Variants in NEDD4L observed in about 807,000 individuals in gnomAD.
NEDD4L encodes the protein NEDD4 like E3 ubiquitin protein ligase.
In NEDD4L, 54 loss-of-function variants were observed where a neutral mutation model predicts 148.9. That is an observed-to-expected ratio of 0.36 (90% CI 0.29 to 0.45). The LOEUF is 0.45. NEDD4L is among the 20% of genes least tolerant of loss of function. The pLI, the probability that NEDD4L is intolerant of heterozygous loss-of-function variation, is 1.00. For missense variants in NEDD4L, 856 were observed against 1,233.8 expected, an observed-to-expected ratio of 0.69 and a Z score of 4.59; for synonymous variants, 433 against 440.7, an observed-to-expected ratio of 0.98 and a Z score of 0.22.
chr18:58,238,887 T>A (rs1009666482), intron 2 of NEDD4L, among the ~76,000 whole-genome samples: 10 of 152,228 alleles, frequency 6.6e-5, no homozygotes, highest in African/African-American at 2.4e-4. Flanking sequence ...ATTTGTTAGA[T>A]AAAAACTTCA....
chr18:58,149,097 G>A lies in NEDD4L; in HGVS notation c.49-16691G>A, dbSNP rs4149597. 0.32 allele frequency among the ~76,000 whole-genome samples: 48,799 copies of A among 152,108 alleles called. 8,080 individuals are homozygous for A. The highest frequency in any genetic ancestry group is 0.34 in the African/African-American group (14,287 of 41,480). On this transcript the variant is annotated intron_variant, in intron 1 of 30. Transcript: ENST00000400345. ...AAAGTGGCAGAGAGGAAGCTTTTGC[G>A]TGGGGAAAACATGAAATATACAAGG... is the stretch of plus-strand genomic sequence containing the variant.
intron 2 of NEDD4L, among the ~76,000 whole-genome samples, chr18:58,228,432 C>G (rs1447015591): frequency 6.6e-6 from 1 of 152,164 alleles, no homozygotes; most frequent in Non-Finnish European, 1.5e-5. Flanking sequence ...AGTCACTCCA[C>G]TTGGTGACAT....
intron 1 of NEDD4L, among the ~76,000 whole-genome samples, chr18:58,122,026 GC>G (rs1222001280): frequency 2.6e-5 from 4 of 152,212 alleles, no homozygotes; most frequent in Non-Finnish European, 5.9e-5. Flanking sequence ...TCTGCTCAGA[GC>G]TTTGTTTTAT....
intron 2 of NEDD4L, among the ~76,000 whole-genome samples, chr18:58,184,718 G>GGAGATC (rs993099574): frequency 1.3e-5 from 2 of 152,112 alleles, no homozygotes; most frequent in African/African-American, 4.8e-5. Context: ...CACGTGGTCA[G>GGAGATC]GAGATCGAGA....
intron 2 of NEDD4L, among the ~76,000 whole-genome samples, chr18:58,170,164 A>C (rs2037389907): frequency 1.3e-5 from 2 of 152,142 alleles, no homozygotes; most frequent in African/African-American, 4.8e-5. Flanking sequence ...TATGCCATGA[A>C]GTTGCTGCCT....
At chr18:58,331,248 C>T (rs2059763707) in intron 11 of NEDD4L, among the ~76,000 whole-genome samples, 2 of 152,152 alleles carry the variant, frequency 1.3e-5, no homozygotes, top group Non-Finnish European at 2.9e-5. Flanking sequence ...CCAAAAGGCT[C>T]ATGAAAATAG....
In NEDD4L at chr18:58,248,815, TA is replaced by T. The variant is rs2047578729; in HGVS notation, c.205-82del. 1.0e-5 allele frequency: 7 copies of T among 698,550 alleles called. No homozygotes were observed. The South Asian group carries it at 1.4e-4, about 14-fold the overall frequency. 43.3% of individuals were successfully genotyped at this position (698,550 alleles called of 1,614,324 possible). On this transcript the variant is annotated intron_variant, in intron 3 of 30. Transcript: ENST00000400345. ...AGCTTTTTTTAATCAAAAAAATGTTTAAGCAAATATGTAGACTGTATTGTAC... is the reference window on the plus strand; with the variant it reads ...AGCTTTTTTTAATCAAAAAAATGTTTAGCAAATATGTAGACTGTATTGTAC...
chr18:58,329,511 C>T (rs1037841752), intron 10 of NEDD4L, among the ~76,000 whole-genome samples: 8 of 152,060 alleles, frequency 5.3e-5, no homozygotes, highest in Non-Finnish European at 1.0e-4. Context: ...CACGCATCAC[C>T]ACACCCGGCC....
chr18:58,161,381 G>A (rs1485035758), intron 1 of NEDD4L, among the ~76,000 whole-genome samples: 6 of 151,474 alleles, frequency 4.0e-5, no homozygotes, highest in Non-Finnish European at 2.9e-5. Context: ...CGTTAACGGT[G>A]AAGTTAAAAT....
chr18:58,228,773 G>A (rs993996766), intron 2 of NEDD4L, among the ~76,000 whole-genome samples: 1 of 152,184 alleles, frequency 6.6e-6, no homozygotes, highest in African/African-American at 2.4e-5. Context: ...AGTGTGAAAA[G>A]AGGCCCAGGA....
rs369177536 is a variant in NEDD4L, at chr18:58,265,620, G to A, written c.297+13566G>A. ...TGCTCTGTTGCCCAGGCTGGAGTACGGTGGCGTTAAGATGGCTCACTGCCA... is the reference window on the plus strand; with the variant it reads ...TGCTCTGTTGCCCAGGCTGGAGTACAGTGGCGTTAAGATGGCTCACTGCCA... On this transcript the variant is annotated intron_variant, in intron 5 of 30. Transcript: ENST00000400345. 3.1e-4 allele frequency among the ~76,000 whole-genome samples: 47 copies of A among 152,028 alleles called. No individual in the cohort carries two copies. The East Asian group carries it at 3.9e-3, about 13-fold the overall frequency.
chr18:58,056,398 A>G (rs4419136), intron 1 of NEDD4L, among the ~76,000 whole-genome samples: 113,665 of 151,996 alleles, frequency 0.75, 42,982 homozygotes, highest in East Asian at 0.98. Context: ...GGAACTAGTT[A>G]TGTTGTTCAG....
chr18:58,145,890 A>C (rs1401113982), intron 1 of NEDD4L, among the ~76,000 whole-genome samples: 1 of 143,630 alleles, frequency 7.0e-6, no homozygotes, highest in Non-Finnish European at 1.6e-5. Context: ...GTGATTGAAA[A>C]ATGTACATTT....
intron 15 of NEDD4L, 33 bp downstream of exon 15, chr18:58,341,830 T>C: frequency 6.3e-7 from 1 of 1,599,760 alleles, no homozygotes; most frequent in Non-Finnish European, 8.5e-7. Flanking sequence ...CTGGACTCAC[T>C]CTGTCCTGTG....
intron 1 of NEDD4L, among the ~76,000 whole-genome samples, chr18:58,131,879 A>T (rs1413240241): frequency 3.9e-5 from 6 of 152,150 alleles, no homozygotes; most frequent in Admixed American, 6.5e-5. Flanking sequence ...TGGGAAGAAC[A>T]GTTTAGGATT....
rs2048543124 is a variant in NEDD4L, at chr18:58,256,256, C to G, written c.297+4202C>G. On this transcript the variant is annotated intron_variant, in intron 5 of 30. Coordinates refer to ENST00000400345, the MANE Select transcript of NEDD4L (RefSeq NM_001144967.3). The surrounding 1 kb of genome is among the most constrained non-coding windows in gnomAD (Gnocchi z 5.2). ...CAGCGCCGACGTGCGCCAGGTGAGG[C>G]TGCTGCCCCTGGGCCCCGATGGCCA... 2 of 1,230,832 alleles carry G rather than the reference C, an allele frequency of 1.6e-6. No homozygotes were observed. Among genetic ancestry groups the G allele is most frequent in the Non-Finnish European group, 1.0e-6 (1 of 987,382 alleles). The allele number at this position is 1,230,832 out of a possible 1,614,324, so 76.2% of individuals were successfully genotyped here.
intron 1 of NEDD4L, among the ~76,000 whole-genome samples, chr18:58,118,985 G>GC (rs35987145): frequency 0.55 from 83,792 of 151,988 alleles, 23,315 homozygotes; most frequent in Middle Eastern, 0.62. Flanking sequence ...TGTTACCCAG[G>GC]CCCGGGGTCA....
intron 18 of NEDD4L, among the ~76,000 whole-genome samples, chr18:58,354,055 C>T (rs535390538): frequency 3.9e-5 from 6 of 152,272 alleles, no homozygotes; most frequent in East Asian, 1.9e-4. Context: ...TCAAGAGCAA[C>T]GAATGATCGA....
chr18:58,396,595 T>C lies in NEDD4L; in HGVS notation c.*326T>C, dbSNP rs149950947. On this transcript the variant is annotated 3_prime_UTR_variant, in exon 31 of 31. Coordinates refer to ENST00000400345, the MANE Select transcript of NEDD4L (RefSeq NM_001144967.3). The stretch of plus-strand genomic sequence containing the variant: ...CCTTTCTAATGACAATGAATGGAAT[T>C]AATCACTCAACAGGTATAGTATTAC... 7.6e-5 allele frequency: 16 copies of C among 209,554 alleles called. No homozygotes were observed. Among genetic ancestry groups the C allele is most frequent in the African/African-American group, 3.4e-4 (15 of 43,706 alleles). The allele number at this position is 209,554 out of a possible 1,614,324, so 13.0% of individuals were successfully genotyped here.
Sources: allele counts gnomAD v4.1 joint callset (sites outside exome capture counted in the v4.1 genomes callset), GRCh38; gene constraint gnomAD v4.1.1; non-coding constraint Gnocchi (gnomAD v3.1); transcripts MANE v1.5; gene names NCBI Gene and HGNC (gene_info 2026-07-23, HGNC 2026-07-21).